TSNARE1: variants seen among roughly 807,000 people sequenced by gnomAD.
TSNARE1 encodes the protein t-SNARE domain containing 1.
In TSNARE1, 49 loss-of-function variants were observed where a neutral mutation model predicts 62.0. The ratio of observed to expected loss-of-function variants is 0.79; its 90% CI spans 0.63 to 1.00. The LOEUF (loss-of-function observed/expected upper bound fraction) is 1.00. Ranked by LOEUF, TSNARE1 falls within the 50% of genes least tolerant of loss-of-function variation. The pLI, the probability that TSNARE1 is intolerant of heterozygous loss-of-function variation, is 0.00. For synonymous variants in TSNARE1, 328 were observed against 294.4 expected (o/e 1.11, Z -1.17); for missense variants, 755 against 700.1 (o/e 1.08, Z -0.88).
chr8:142,223,113 T>G (rs1816523959), intron 13 of TSNARE1, among the ~76,000 whole-genome samples: 1 of 35,974 alleles, frequency 2.8e-5, no homozygotes, highest in Non-Finnish European at 5.2e-5. Context: ...CACTCACTCG[T>G]TCACTCATTC....
intron 1 of TSNARE1, 127 bp downstream of exon 1, chr8:142,402,977 A>G (rs1427785578): frequency 1.4e-5 from 2 of 142,680 alleles, no homozygotes; most frequent in African/African-American, 2.5e-5. Context: ...GCCTCCCGCA[A>G]GCCCCATACC....
chr8:142,363,123 C>T (rs371505651), intron 1 of TSNARE1, among the ~76,000 whole-genome samples: 12 of 152,306 alleles, frequency 7.9e-5, no homozygotes, highest in African/African-American at 2.2e-4. Context: ...CATCTCCCCA[C>T]GTGGCTGTGT....
intron 12 of TSNARE1, among the ~76,000 whole-genome samples, chr8:142,254,336 T>A (rs1319562955): frequency 1.4e-4 from 22 of 152,196 alleles, no homozygotes; most frequent in Admixed American, 1.3e-3. Context: ...CTCTCCCTGC[T>A]GCCTGCTGCT....
At chr8:142,281,303 T>C (rs1160146815) in intron 11 of TSNARE1, among the ~76,000 whole-genome samples, 1 of 151,986 alleles carries the variant, frequency 6.6e-6, no homozygotes, top group African/African-American at 2.4e-5. Context: ...TCTGCCCCAC[T>C]GGCCTGGGAG....
chr8:142,379,873 C>T (rs1836607880), intron 1 of TSNARE1, among the ~76,000 whole-genome samples: 1 of 152,204 alleles, frequency 6.6e-6, no homozygotes. Flanking sequence ...CTTCAGCAGG[C>T]TCTTATCCCA....
chr8:142,222,759 C>T (rs1217456295), intron 13 of TSNARE1, among the ~76,000 whole-genome samples: 3 of 63,532 alleles, frequency 4.7e-5, no homozygotes, highest in East Asian at 4.9e-4. Context: ...CATCCACTCA[C>T]TCACTCATTC....
At chr8:142,387,897 T>C (rs911155695) in intron 1 of TSNARE1, among the ~76,000 whole-genome samples, 1 of 152,214 alleles carries the variant, frequency 6.6e-6, no homozygotes, top group African/African-American at 2.4e-5. Context: ...AACTTCTATA[T>C]TATGTTTATG....
chr8:142,277,112 T>C (rs1029292759), intron 11 of TSNARE1: 111 of 985,226 alleles, frequency 1.1e-4, no homozygotes, highest in Non-Finnish European at 1.3e-4. Context: ...CCAGTGGCTT[T>C]GTCAGGTCTT....
chr8:142,300,373 C>A, intron 10 of TSNARE1, 113 bp downstream of exon 10: 2 of 1,276,464 alleles, frequency 1.6e-6, no homozygotes, highest in Non-Finnish European at 2.1e-6. Context: ...CTAGTTCCAG[C>A]CCCTCCAGGT....
At chr8:142,385,342 C>G (rs1837041665) in intron 1 of TSNARE1, among the ~76,000 whole-genome samples, 1 of 152,152 alleles carries the variant, frequency 6.6e-6, no homozygotes, top group Non-Finnish European at 1.5e-5. Flanking sequence ...TCCCACCCAC[C>G]ATTCTGAAAA....
chr8:142,314,327 G>A, intron 9 of TSNARE1, 57 bp downstream of exon 9: 2 of 1,530,082 alleles, frequency 1.3e-6, no homozygotes, highest in Non-Finnish European at 1.8e-6. Flanking sequence ...ACAGATGGCA[G>A]CGGATTCTGG....
chr8:142,300,665 T>C (rs761281621), intron 9 of TSNARE1, 21 bp from the exon 10 acceptor site: 27 of 1,601,210 alleles, frequency 1.7e-5, no homozygotes, highest in Non-Finnish European at 2.3e-5. Context: ...CAGACAGATC[T>C]TGTTAGCACT....
chr8:142,280,760 G>A (rs1821292911), intron 11 of TSNARE1, among the ~76,000 whole-genome samples: 1 of 152,150 alleles, frequency 6.6e-6, no homozygotes, highest in Non-Finnish European at 1.5e-5. Context: ...GGGCAGAAAT[G>A]GCTACAGCCA....
At chr8:142,276,270 C>T (rs1416248203) in intron 11 of TSNARE1, 1 of 985,334 alleles carries the variant, frequency 1.0e-6, no homozygotes, top group Non-Finnish European at 1.2e-6. Context: ...CAGCCCCCAA[C>T]TGAACTCTGC....
rs1198134394 is a variant in TSNARE1 at position 142,277,364 on chromosome 8, C to T, written c.1364-2501G>A. ...TCAAAGGAAACTGCCTGCCCAGTGC[C>T]CTCAGGGCACAGGGACCCCTGTGGG... On this transcript the variant is annotated intron_variant, in intron 11 of 13. Transcript: ENST00000524325. The T allele has an allele frequency of 1.0e-5, 10 of 985,276 alleles. No homozygotes were observed. In the Admixed American group the frequency reaches 6.1e-4, roughly 61 times the overall value. The allele number at this position is 985,276 out of a possible 1,614,324, so 61.0% of individuals were successfully genotyped here. A position where few individuals can be genotyped will look rare whatever the true frequency, so the allele number is the denominator to read the frequency against.
chr8:142,330,160 G>A (rs915184304), intron 6 of TSNARE1, among the ~76,000 whole-genome samples: 1 of 152,238 alleles, frequency 6.6e-6, no homozygotes, highest in Non-Finnish European at 1.5e-5. Context: ...GCGGGACACA[G>A]GCCAGCACAG....
At chr8:142,361,011 G>A (rs1417390802) in intron 1 of TSNARE1, among the ~76,000 whole-genome samples, 2 of 152,144 alleles carry the variant, frequency 1.3e-5, no homozygotes, top group African/African-American at 2.4e-5. Flanking sequence ...AGCGTTCCCC[G>A]GGCCGGGGCT....
chr8:142,355,689 G>A (rs187484168), intron 1 of TSNARE1, among the ~76,000 whole-genome samples: 8 of 152,290 alleles, frequency 5.3e-5, no homozygotes, highest in African/African-American at 1.9e-4. Flanking sequence ...CTGCTGGCCA[G>A]GCCACACCTT....
At chr8:142,369,082 C>T (rs192411821) in intron 1 of TSNARE1, among the ~76,000 whole-genome samples, 6 of 152,336 alleles carry the variant, frequency 3.9e-5, no homozygotes, top group African/African-American at 9.6e-5. Flanking sequence ...AACCGCCACC[C>T]GGCTGCCAGG....
Sources: allele counts gnomAD v4.1 joint callset (sites outside exome capture counted in the v4.1 genomes callset), GRCh38; gene constraint gnomAD v4.1.1; transcripts MANE v1.5; gene names NCBI Gene and HGNC (gene_info 2026-07-23, HGNC 2026-07-21).